The following PRKN variants were observed in gnomAD, a reference collection of about 807,000 sequenced individuals.
The protein encoded by PRKN is parkin RBR E3 ubiquitin protein ligase, also known as E3 ubiquitin-protein ligase parkin.
A neutral mutation model predicts 59.5 loss-of-function variants in PRKN; 56 were observed. The ratio of observed to expected loss-of-function variants is 0.94; its 90% confidence interval spans 0.76 to 1.18. The LOEUF is 1.18. Ranked by LOEUF, PRKN falls within the 50% of genes most tolerant of loss-of-function variation. The probability of loss-of-function intolerance (pLI) is 0.00; values close to 1 mark genes in which losing one functional copy is unlikely to be tolerated. For synonymous variants in PRKN, 250 were observed against 222.1 expected, an observed-to-expected ratio of 1.13 and a Z score of -1.12; for missense variants, 657 against 596.4, an observed-to-expected ratio of 1.10 and a Z score of -1.06.
At chr6:162,366,661 T>C (rs781559819) in intron 2 of PRKN, among the ~76,000 whole-genome samples, 7 of 152,080 alleles carry the variant, frequency 4.6e-5, no homozygotes, top group Non-Finnish European at 7.4e-5. Context: ...ATCCCAGCAC[T>C]TTGGGAGGCC....
At chr6:161,846,501 C>T (rs988539137) in intron 6 of PRKN, among the ~76,000 whole-genome samples, 8 of 152,056 alleles carry the variant, frequency 5.3e-5, no homozygotes, top group Non-Finnish European at 1.2e-4. Flanking sequence ...CATTTCTTAC[C>T]CGTTGCTGTT....
chr6:162,556,745 C>CA (rs58924466), intron 1 of PRKN, among the ~76,000 whole-genome samples: 5,075 of 90,890 alleles, frequency 0.056, 330 homozygotes, highest in African/African-American at 0.15. Flanking sequence ...GACTCCATCT[C>CA]AAAAAAAAAA....
At chr6:162,725,005 C>T (rs530887949) in intron 1 of PRKN, among the ~76,000 whole-genome samples, 2 of 152,348 alleles carry the variant, frequency 1.3e-5, no homozygotes, top group African/African-American at 4.8e-5. Flanking sequence ...TGTATCCCTG[C>T]TTTCACGCCA....
chr6:161,597,970 GA>G (rs2128142649), intron 7 of PRKN, among the ~76,000 whole-genome samples: 1 of 152,276 alleles, frequency 6.6e-6, no homozygotes, highest in South Asian at 2.1e-4. Context: ...TGCAGAAGGG[GA>G]GAAGGTCCTA....
chr6:162,236,568 T>A (rs1357947604), intron 3 of PRKN, among the ~76,000 whole-genome samples: 1 of 151,652 alleles, frequency 6.6e-6, no homozygotes, highest in South Asian at 2.1e-4. Flanking sequence ...GGCCGATCAC[T>A]GGAGGTCAGG....
intron 7 of PRKN, among the ~76,000 whole-genome samples, chr6:161,661,506 G>A (rs1179253061): frequency 6.6e-6 from 1 of 150,870 alleles, no homozygotes; most frequent in African/African-American, 2.4e-5. Flanking sequence ...TAGACCGCAG[G>A]AACTCCCTTC....
At chr6:162,553,967 G>A (rs1434555990) in intron 1 of PRKN, among the ~76,000 whole-genome samples, 3 of 152,120 alleles carry the variant, frequency 2.0e-5, no homozygotes, top group Non-Finnish European at 2.9e-5. Flanking sequence ...GAGAGAAAGC[G>A]GCGAGGGACT....
intron 4 of PRKN, among the ~76,000 whole-genome samples, chr6:162,160,878 G>A (rs1239874942): frequency 9.8e-6 from 1 of 102,440 alleles, no homozygotes; most frequent in Non-Finnish European, 1.8e-5. Flanking sequence ...GCAACACAGA[G>A]AGACTCCGTC....
In PRKN at chr6:162,252,592, T is replaced by TA. The variant is rs1176098469; in HGVS notation, c.412+9932dup. 2.0e-5 allele frequency among the ~76,000 whole-genome samples: 3 copies of TA among 152,206 alleles called. No individual in the cohort carries two copies. In the East Asian group the frequency reaches 5.8e-4, roughly 29 times the overall value. ...CCACCGTGAATGGGATACGTGCTCTTACAGAAGATGCCCTGGAGAGCTGCT... is the reference window on the plus strand; with the variant it reads ...CCACCGTGAATGGGATACGTGCTCTTAACAGAAGATGCCCTGGAGAGCTGCT... On this transcript the variant is annotated intron_variant, in intron 3 of 11. Transcript: ENST00000366898.
intron 9 of PRKN, among the ~76,000 whole-genome samples, chr6:161,513,916 G>A (rs960417265): frequency 2.0e-5 from 3 of 152,008 alleles, no homozygotes; most frequent in African/African-American, 7.2e-5. Flanking sequence ...TTCCTGACAG[G>A]GTTGTAGAGA....
chr6:162,651,088 G>A (rs937895325), intron 1 of PRKN, among the ~76,000 whole-genome samples: 19 of 152,102 alleles, frequency 1.2e-4, no homozygotes, highest in Admixed American at 3.3e-4. Context: ...ATCCTGTGAG[G>A]GTTAGTCAAC....
At chr6:161,678,613 C>T (rs1013104955) in intron 7 of PRKN, among the ~76,000 whole-genome samples, 11 of 143,952 alleles carry the variant, frequency 7.6e-5, no homozygotes, top group Non-Finnish European at 1.3e-4. Context: ...GCTCTCTCAC[C>T]CAGACTGGAG....
intron 1 of PRKN, among the ~76,000 whole-genome samples, chr6:162,529,198 A>AT (rs1001997170): frequency 6.6e-6 from 1 of 152,048 alleles, no homozygotes; most frequent in Non-Finnish European, 1.5e-5. Flanking sequence ...TTAGTGATAC[A>AT]TTTATACTGA....
intron 1 of PRKN, among the ~76,000 whole-genome samples, chr6:162,473,672 A>G (rs893557797): frequency 7.2e-5 from 11 of 152,128 alleles, no homozygotes; most frequent in African/African-American, 2.7e-4. Flanking sequence ...TTTTGTACCA[A>G]GTTTTTGAAA....
chr6:162,691,840 A>G (rs1777785286), intron 1 of PRKN, among the ~76,000 whole-genome samples: 1 of 152,224 alleles, frequency 6.6e-6, no homozygotes, highest in African/African-American at 2.4e-5. Context: ...TCTCTCTCTT[A>G]CTGAAGCAGC....
intron 1 of PRKN, among the ~76,000 whole-genome samples, chr6:162,538,409 T>G (rs1294631243): frequency 6.6e-6 from 1 of 151,404 alleles, no homozygotes; most frequent in East Asian, 1.9e-4. Context: ...AATAAATAAA[T>G]AAAATTAAAA....
intron 7 of PRKN, among the ~76,000 whole-genome samples, chr6:161,704,741 C>G (rs1037499911): frequency 1.3e-5 from 2 of 152,106 alleles, no homozygotes; most frequent in Non-Finnish European, 2.9e-5. Flanking sequence ...GACTTCCCGA[C>G]TGTATCCCTT....
At chr6:162,226,092 AATAAT>A (rs74839933) in intron 3 of PRKN, among the ~76,000 whole-genome samples, 17,628 of 115,552 alleles carry the variant, frequency 0.15, 1,196 homozygotes, top group South Asian at 0.33. Flanking sequence ...TAATAATAAT[AATAAT>A]AAAATTAGAT....
intron 6 of PRKN, among the ~76,000 whole-genome samples, chr6:161,919,996 G>A (rs1562390999): frequency 6.6e-6 from 1 of 152,196 alleles, no homozygotes; most frequent in Non-Finnish European, 1.5e-5. Flanking sequence ...AACCTAGATG[G>A]TATCACCTGC....
Sources: allele counts gnomAD v4.1 joint callset (sites outside exome capture counted in the v4.1 genomes callset), GRCh38; gene constraint gnomAD v4.1.1; transcripts MANE v1.5; gene names NCBI Gene and HGNC (gene_info 2026-07-23, HGNC 2026-07-21).